Variants in HDAC9 observed in about 807,000 individuals in gnomAD.
HDAC9 encodes MEF-2 interacting transcription repressor (MITR) protein.
In HDAC9, 41 loss-of-function variants were observed where a neutral mutation model predicts 139.4. The ratio of observed to expected loss-of-function variants is 0.29; its 90% CI spans 0.23 to 0.38. The LOEUF (loss-of-function observed/expected upper bound fraction) is 0.38. Ranked by LOEUF, HDAC9 falls within the 10% of genes least tolerant of loss-of-function variation. The probability of loss-of-function intolerance (pLI) is 1.00; values close to 1 mark genes in which losing one functional copy is unlikely to be tolerated. For synonymous variants in HDAC9, 517 were observed against 476.2 expected, an observed-to-expected ratio of 1.09 and a Z score of -1.12; for missense variants, 1,147 against 1,297.0, an observed-to-expected ratio of 0.88 and a Z score of 1.78.
At chr7:18,363,958 C>G (rs1247063785) in intron 1 of HDAC9, among the ~76,000 whole-genome samples, 1 of 152,038 alleles carries the variant, frequency 6.6e-6, no homozygotes, top group Non-Finnish European at 1.5e-5. Context: ...TTTTCAGGTC[C>G]CAGAATTTCA....
intron 1 of HDAC9, among the ~76,000 whole-genome samples, chr7:18,311,016 CTTTATG>C (rs1338611452): frequency 1.3e-5 from 2 of 151,768 alleles, no homozygotes; most frequent in Admixed American, 6.6e-5. Flanking sequence ...GTAATAAGAT[CTTTATG>C]TTAATGTAAC....
intron 25 of HDAC9, among the ~76,000 whole-genome samples, chr7:18,990,070 C>T (rs188618195): frequency 0.022 from 3,330 of 152,264 alleles, 48 homozygotes; most frequent in Middle Eastern, 0.041. Flanking sequence ...AGTCATTCTC[C>T]GTCCAGCTTT....
At chr7:18,515,864 C>T (rs529132306) in intron 2 of HDAC9, among the ~76,000 whole-genome samples, 11 of 152,158 alleles carry the variant, frequency 7.2e-5, no homozygotes, top group East Asian at 3.9e-4. Flanking sequence ...TGCACATGTG[C>T]GTTTGCACTT....
intron 25 of HDAC9, among the ~76,000 whole-genome samples, chr7:18,983,006 G>C (rs896552408): frequency 6.6e-6 from 1 of 152,122 alleles, no homozygotes; most frequent in Non-Finnish European, 1.5e-5. Context: ...TAAGTGTTCA[G>C]TACAGCAGTG....
chr7:18,605,756 C>CTGCAAGCT (rs1265676429), intron 6 of HDAC9, among the ~76,000 whole-genome samples: 1 of 152,116 alleles, frequency 6.6e-6, no homozygotes, highest in Admixed American at 6.5e-5. Flanking sequence ...TCTCGGCTCA[C>CTGCAAGCT]TGCAAGCTCC....
At chr7:18,192,028 A>G (rs1295324047) in intron 2 of HDAC9, among the ~76,000 whole-genome samples, 1 of 152,128 alleles carries the variant, frequency 6.6e-6, no homozygotes, top group Non-Finnish European at 1.5e-5. Flanking sequence ...CTTAATTGTG[A>G]TTGTACAGTA....
intron 1 of HDAC9, among the ~76,000 whole-genome samples, chr7:18,157,425 G>A (rs563457406): frequency 1.7e-3 from 255 of 152,278 alleles, no homozygotes; most frequent in Non-Finnish European, 2.6e-3. Flanking sequence ...CTAAGGAGCT[G>A]TGTGTCACCA....
intron 11 of HDAC9, among the ~76,000 whole-genome samples, chr7:18,654,637 C>T (rs1036598771): frequency 3.9e-5 from 6 of 151,974 alleles, no homozygotes; most frequent in African/African-American, 1.4e-4. Context: ...TATTTTATGA[C>T]CAAGCAGGAA....
chr7:18,989,890 G>T (rs1234320797), intron 25 of HDAC9, among the ~76,000 whole-genome samples: 1 of 150,576 alleles, frequency 6.6e-6, no homozygotes, highest in African/African-American at 2.5e-5. Context: ...CTTGAGCCTT[G>T]GTTTTCAGCT....
chr7:18,105,713 T>C (rs1387176743), intron 1 of HDAC9, among the ~76,000 whole-genome samples: 3 of 151,446 alleles, frequency 2.0e-5, no homozygotes, highest in Non-Finnish European at 4.4e-5. Context: ...AACCAGAGAG[T>C]TACTATATTA....
At chr7:18,728,402 A>AACACAC (rs56281287) in intron 13 of HDAC9, among the ~76,000 whole-genome samples, 315 of 145,648 alleles carry the variant, frequency 2.2e-3, no homozygotes, top group Middle Eastern at 0.01. Flanking sequence ...TTAAGTGTGG[A>AACACAC]ACACACACAC....
At chr7:18,266,489 C>G (rs1486330668) in intron 2 of HDAC9, among the ~76,000 whole-genome samples, 2 of 152,146 alleles carry the variant, frequency 1.3e-5, no homozygotes, top group Admixed American at 1.3e-4. Context: ...TTCCTCAGGA[C>G]AGACATTGTG....
intron 1 of HDAC9, among the ~76,000 whole-genome samples, chr7:18,470,075 C>T (rs1035893571): frequency 3.9e-5 from 6 of 152,056 alleles, no homozygotes; most frequent in African/African-American, 1.4e-4. Context: ...TGGTGGCTCT[C>T]ACTTGTAATT....
At chr7:18,351,118 TA>T (rs1384515564) in intron 1 of HDAC9, among the ~76,000 whole-genome samples, 2 of 152,210 alleles carry the variant, frequency 1.3e-5, no homozygotes, top group Non-Finnish European at 2.9e-5. Flanking sequence ...TTTTCTGCTT[TA>T]TTTTTTATTG....
intron 22 of HDAC9, among the ~76,000 whole-genome samples, chr7:18,901,725 A>G (rs1482919098): frequency 1.3e-5 from 2 of 152,238 alleles, no homozygotes; most frequent in African/African-American, 2.4e-5. Context: ...AACATCCAAT[A>G]GGATTGTTTT....
At chr7:18,579,513 T>C (rs746174521) in intron 2 of HDAC9, among the ~76,000 whole-genome samples, 12 of 152,198 alleles carry the variant, frequency 7.9e-5, no homozygotes, top group Admixed American at 4.6e-4. Flanking sequence ...AGAAGCAGAA[T>C]AGATAATCAG....
At chr7:18,148,746 C>T (rs573093539) in intron 1 of HDAC9, among the ~76,000 whole-genome samples, 49 of 152,166 alleles carry the variant, frequency 3.2e-4, no homozygotes, top group African/African-American at 1.1e-3. Context: ...AGGTGTGAGC[C>T]ACCACATCTG....
intron 1 of HDAC9, among the ~76,000 whole-genome samples, chr7:18,425,834 A>G (rs754140235): frequency 3.3e-5 from 5 of 152,228 alleles, no homozygotes; most frequent in Non-Finnish European, 7.3e-5. Context: ...CATATAGGTG[A>G]GATCATCATA....
chr7:18,325,084 G>A (rs772270603), intron 1 of HDAC9, among the ~76,000 whole-genome samples: 1 of 152,058 alleles, frequency 6.6e-6, no homozygotes, highest in East Asian at 1.9e-4. Flanking sequence ...CAACAAGTAC[G>A]AGTTGAATCC....
Sources: allele counts gnomAD v4.1 joint callset (sites outside exome capture counted in the v4.1 genomes callset), GRCh38; gene constraint gnomAD v4.1.1; transcripts MANE v1.5; gene names NCBI Gene and HGNC (gene_info 2026-07-23, HGNC 2026-07-21).